The following KCNAB1 variants were observed in gnomAD, a reference collection of about 807,000 sequenced individuals.
KCNAB1 encodes potassium voltage-gated channel subfamily A regulatory beta subunit 1.
A neutral mutation model predicts 64.6 loss-of-function variants in KCNAB1; 35 were observed. The observed-to-expected ratio is 0.54, with a 90% CI of 0.41 to 0.72. The LOEUF is 0.72. Ranked by LOEUF, KCNAB1 falls within the 30% of genes least tolerant of loss-of-function variation. The probability of loss-of-function intolerance (pLI) is 0.00; values close to 1 mark genes in which losing one functional copy is unlikely to be tolerated. For synonymous variants in KCNAB1, 177 were observed against 183.8 expected (o/e 0.96, Z 0.30); for missense variants, 401 against 512.9 (o/e 0.78, Z 2.11).
chr3:156,454,861 T>A (rs1712279107), intron 3 of KCNAB1, among the ~76,000 whole-genome samples: 1 of 152,218 alleles, frequency 6.6e-6, no homozygotes, highest in African/African-American at 2.4e-5. Flanking sequence ...ACTCTCCTCT[T>A]CACAGTGTCT....
intron 1 of KCNAB1, among the ~76,000 whole-genome samples, chr3:156,167,508 C>G (rs1198191152): frequency 6.6e-6 from 1 of 152,176 alleles, no homozygotes; most frequent in African/African-American, 2.4e-5. Flanking sequence ...TAAGCTTTCT[C>G]TGAAGATGAC....
intron 1 of KCNAB1, among the ~76,000 whole-genome samples, chr3:156,380,080 C>T (rs111881794): frequency 1.0e-3 from 154 of 152,276 alleles, no homozygotes; most frequent in African/African-American, 3.6e-3. Context: ...ACCACAAGCA[C>T]ATGGAGGCTA....
intron 1 of KCNAB1, among the ~76,000 whole-genome samples, chr3:156,276,847 A>C (rs1016449279): frequency 3.3e-5 from 5 of 152,190 alleles, no homozygotes; most frequent in Non-Finnish European, 7.3e-5. Context: ...CGCTATCAGC[A>C]ATAAGGCTCT....
At chr3:156,329,771 C>A (rs1723213029) in intron 1 of KCNAB1, among the ~76,000 whole-genome samples, 1 of 152,120 alleles carries the variant, frequency 6.6e-6, no homozygotes, top group African/African-American at 2.4e-5. Flanking sequence ...GTAGAAAGAC[C>A]AGACTAGAGA....
chr3:156,460,627 T>C (rs1712829637), intron 5 of KCNAB1: 1 of 152,250 alleles, frequency 6.6e-6, no homozygotes, highest in Admixed American at 6.5e-5. Flanking sequence ...GGTCCTCCTC[T>C]GCCCTGGCAT....
intron 1 of KCNAB1, among the ~76,000 whole-genome samples, chr3:156,337,992 G>T (rs1020974046): frequency 6.6e-6 from 1 of 152,192 alleles, no homozygotes; most frequent in Non-Finnish European, 1.5e-5. Flanking sequence ...GGATGGCGAT[G>T]TATATACAAG....
rs560724105 is a variant in KCNAB1, at chr3:156,422,378, A to G, written c.319+719A>G. 2.9e-3 allele frequency among the ~76,000 whole-genome samples: 444 copies of G among 152,346 alleles called. 3 individuals carry two copies. Among genetic ancestry groups the G allele is most frequent in the Admixed American group, 5.4e-3 (83 of 15,310 alleles). Reference sequence around the variant, plus strand: ...CTGTTCTGTGACCTAAGTCTAGACCAGGATGGTAACTGAGGAAGTAGTGAG... The same window carrying G: ...CTGTTCTGTGACCTAAGTCTAGACCGGGATGGTAACTGAGGAAGTAGTGAG... On this transcript the variant is annotated intron_variant, in intron 2 of 13. Transcript: ENST00000490337.
intron 1 of KCNAB1, among the ~76,000 whole-genome samples, chr3:156,389,929 A>G (rs1712905447): frequency 6.6e-6 from 1 of 152,222 alleles, no homozygotes; most frequent in African/African-American, 2.4e-5. Context: ...CTATAATGGC[A>G]AAGTTAAATA....
chr3:156,325,004 ACTT>A lies in KCNAB1; in HGVS notation c.276-96610_276-96608del, dbSNP rs1305303424. ...CAATTCCTGAAAATCATGGCACTGA[ACTT>A]CATTTGCCCAAGGGCACCCAATATA... On this transcript the variant is annotated intron_variant, in intron 1 of 13. Coordinates refer to ENST00000490337, the MANE Select transcript of KCNAB1 (RefSeq NM_172160.3). Among the ~76,000 whole-genome samples the A allele has an allele frequency of 1.1e-4, 17 of 152,244 alleles. No homozygotes were observed. In the East Asian group the frequency reaches 3.1e-3, roughly 28 times the overall value.
intron 8 of KCNAB1, among the ~76,000 whole-genome samples, chr3:156,495,028 C>T (rs1464050048): frequency 1.3e-5 from 2 of 152,060 alleles, no homozygotes; most frequent in East Asian, 3.9e-4. Flanking sequence ...CTCCTCCTAC[C>T]CTCAACTCCT....
At chr3:156,291,659 T>G in intron 1 of KCNAB1, 1 of 1,383,818 alleles carries the variant, frequency 7.2e-7, no homozygotes, top group African/African-American at 1.5e-5. Context: ...CTCCAGCTGC[T>G]GTGACAACTT....
At chr3:156,200,212 A>C (rs564117538) in intron 1 of KCNAB1, among the ~76,000 whole-genome samples, 2 of 152,206 alleles carry the variant, frequency 1.3e-5, no homozygotes, top group South Asian at 4.1e-4. Flanking sequence ...CCCAGAGGGG[A>C]GCCTGCCTGA....
chr3:156,266,967 A>C (rs1718756985), intron 1 of KCNAB1, among the ~76,000 whole-genome samples: 1 of 152,008 alleles, frequency 6.6e-6, no homozygotes, highest in Non-Finnish European at 1.5e-5. Context: ...AGAAAGCATT[A>C]TTTCTTTTTT....
chr3:156,508,937 CA>C lies in KCNAB1; in HGVS notation c.659-5426del, dbSNP rs1185893658. On this transcript the variant is annotated intron_variant, in intron 8 of 13. Transcript: ENST00000490337. This position sits in a 1 kb window ranked among gnomAD's most constrained non-coding sequence, Gnocchi z 4.1. ...TAACAAAGTCTTTCAATAGTTTAGT[CA>C]GTTTTTCTAAAAGTTTGTGATTGAG... Among the ~76,000 whole-genome samples the C allele has an allele frequency of 1.3e-5, 2 of 152,118 alleles. No individual in the cohort carries two copies. Among genetic ancestry groups the C allele is most frequent in the Non-Finnish European group, 2.9e-5 (2 of 68,032 alleles).
At chr3:156,362,977 GA>G (rs1725707636) in intron 1 of KCNAB1, among the ~76,000 whole-genome samples, 1 of 152,232 alleles carries the variant, frequency 6.6e-6, no homozygotes, top group African/African-American at 2.4e-5. Flanking sequence ...TGGCCATGTG[GA>G]GAAGGGAGTC....
At chr3:156,163,898 A>G (rs910280261) in intron 1 of KCNAB1, among the ~76,000 whole-genome samples, 2 of 152,200 alleles carry the variant, frequency 1.3e-5, no homozygotes, top group African/African-American at 4.8e-5. Flanking sequence ...AGTTTCATTT[A>G]GTGTGGATAC....
At chr3:156,303,657 C>T (rs1721298066) in intron 1 of KCNAB1, among the ~76,000 whole-genome samples, 1 of 152,110 alleles carries the variant, frequency 6.6e-6, no homozygotes, top group African/African-American at 2.4e-5. Context: ...AGGTAACTCC[C>T]CATGCACTTT....
At chr3:156,501,009 T>C (rs1329972376) in intron 8 of KCNAB1, among the ~76,000 whole-genome samples, 1 of 152,248 alleles carries the variant, frequency 6.6e-6, no homozygotes, top group Non-Finnish European at 1.5e-5. Context: ...ACCAGGCAAA[T>C]GTCCTGAAGT....
chr3:156,320,835 C>A (rs1158647415), intron 1 of KCNAB1, among the ~76,000 whole-genome samples: 1 of 152,164 alleles, frequency 6.6e-6, no homozygotes, highest in Non-Finnish European at 1.5e-5. Flanking sequence ...TAGAGGAGGG[C>A]ATGCTATTTG....
Sources: gnomAD v4.1 joint callset for allele counts (sites outside exome capture counted in the v4.1 genomes callset) on GRCh38, gnomAD v4.1.1 for gene constraint, Gnocchi (gnomAD v3.1) non-coding constraint, MANE v1.5 for transcripts, NCBI Gene and HGNC (gene_info 2026-07-23, HGNC 2026-07-21) for gene names.